DPYD: variants seen among roughly 807,000 people sequenced by gnomAD.
The protein encoded by DPYD is dihydropyrimidine dehydrogenase [NADP(+)].
In DPYD, 109 loss-of-function variants were observed where a neutral mutation model predicts 116.2. The ratio of observed to expected loss-of-function variants is 0.94; its 90% CI spans 0.80 to 1.10. The LOEUF is 1.10. Ranked by LOEUF, DPYD falls within the 50% of genes least tolerant of loss-of-function variation. The pLI is 0.00. For synonymous variants in DPYD, 440 were observed against 432.0 expected (o/e 1.02, Z -0.23); for missense variants, 1,302 against 1,254.5 (o/e 1.04, Z -0.57).
chr1:97,104,963 C>T (rs1029922465), intron 20 of DPYD, among the ~76,000 whole-genome samples: 1 of 151,948 alleles, frequency 6.6e-6, no homozygotes, highest in Non-Finnish European at 1.5e-5. Flanking sequence ...GTGCTGGGGC[C>T]CAGGCCACAA....
At chr1:97,554,160 G>A (rs186550312) in intron 11 of DPYD, among the ~76,000 whole-genome samples, 15 of 152,164 alleles carry the variant, frequency 9.9e-5, no homozygotes, top group Admixed American at 2.6e-4. Context: ...TGCAGAAACC[G>A]TCCCTCAGGG....
At chr1:97,227,953 C>A (rs1292826860) in intron 19 of DPYD, among the ~76,000 whole-genome samples, 2 of 151,676 alleles carry the variant, frequency 1.3e-5, no homozygotes, top group Non-Finnish European at 2.9e-5. Flanking sequence ...TAGGTTTTTT[C>A]TTCAATAAAA....
At chr1:97,786,123 G>A (rs1183661444) in intron 3 of DPYD, among the ~76,000 whole-genome samples, 3 of 149,058 alleles carry the variant, frequency 2.0e-5, no homozygotes, top group Admixed American at 6.7e-5. Context: ...CCCAAAATAC[G>A]CAATTTAAGA....
chr1:97,512,092 A>G (rs1009972162), intron 13 of DPYD, among the ~76,000 whole-genome samples: 31 of 151,932 alleles, frequency 2.0e-4, no homozygotes, highest in African/African-American at 7.2e-4. Context: ...TAAACTCGAT[A>G]TGCTCTTGCC....
At chr1:97,615,092 C>A (rs1228227193) in intron 8 of DPYD, among the ~76,000 whole-genome samples, 1 of 152,092 alleles carries the variant, frequency 6.6e-6, no homozygotes, top group East Asian at 1.9e-4. Flanking sequence ...TGGAAACTTG[C>A]ATAACACTGC....
At chr1:97,874,979 A>G (rs1671836637) in intron 2 of DPYD, among the ~76,000 whole-genome samples, 1 of 151,976 alleles carries the variant, frequency 6.6e-6, no homozygotes, top group African/African-American at 2.4e-5. Flanking sequence ...CTGTGATAAA[A>G]TATGCATCAG....
chr1:97,901,346 GC>G (rs1673359951), intron 1 of DPYD, among the ~76,000 whole-genome samples: 1 of 151,954 alleles, frequency 6.6e-6, no homozygotes, highest in East Asian at 1.9e-4. Flanking sequence ...TTGCGCTGGT[GC>G]AGCTACAGAA....
chr1:97,618,487 T>G (rs956740518), intron 8 of DPYD, among the ~76,000 whole-genome samples: 1 of 151,880 alleles, frequency 6.6e-6, no homozygotes, highest in African/African-American at 2.4e-5. Context: ...GCAAGTCTCC[T>G]GCCTCAGCCT....
chr1:97,288,005 T>C (rs1470588983), intron 18 of DPYD, among the ~76,000 whole-genome samples: 1 of 148,390 alleles, frequency 6.7e-6, no homozygotes, highest in South Asian at 2.2e-4. Context: ...ACCAAGCAAA[T>C]GGAAAACAAA....
intron 18 of DPYD, among the ~76,000 whole-genome samples, chr1:97,281,466 G>A (rs1027335424): frequency 1.3e-5 from 2 of 151,856 alleles, no homozygotes; most frequent in African/African-American, 4.8e-5. Flanking sequence ...GATAACAGAT[G>A]AGATCAGCCC....
intron 14 of DPYD, among the ~76,000 whole-genome samples, chr1:97,396,657 T>C (rs746104882): frequency 3.9e-5 from 6 of 152,064 alleles, no homozygotes; most frequent in Admixed American, 6.6e-5. Context: ...CCCTTTATAA[T>C]CTGGCTCCAA....
intron 3 of DPYD, among the ~76,000 whole-genome samples, chr1:97,767,023 T>C (rs1224275400): frequency 6.6e-6 from 1 of 152,150 alleles, no homozygotes; most frequent in African/African-American, 2.4e-5. Context: ...TTAAGAAACA[T>C]TTCCTATTCT....
chr1:97,088,635 C>A (rs1649688106), intron 21 of DPYD, among the ~76,000 whole-genome samples: 2 of 152,040 alleles, frequency 1.3e-5, no homozygotes, highest in African/African-American at 2.4e-5. Context: ...CCATACTCCA[C>A]CCTGAGGTTT....
At chr1:97,612,517 G>A (rs1414300961) in intron 8 of DPYD, among the ~76,000 whole-genome samples, 1 of 151,974 alleles carries the variant, frequency 6.6e-6, no homozygotes, top group Non-Finnish European at 1.5e-5. Context: ...AATAGCTTAA[G>A]TGTTTGCCAT....
intron 8 of DPYD, among the ~76,000 whole-genome samples, chr1:97,612,761 T>C (rs1457831376): frequency 2.0e-5 from 3 of 152,014 alleles, no homozygotes; most frequent in South Asian, 2.1e-4. Context: ...AATTATACCA[T>C]AGCAGTTGGG....
rs75699648 is a variant in DPYD, at chr1:97,850,856, C to A, written c.151-22660G>T. 1.4e-4 allele frequency among the ~76,000 whole-genome samples: 22 copies of A among 152,094 alleles called. No homozygotes were observed. The East Asian group carries it at 4.1e-3, about 28-fold the overall frequency. ...GTTCTATAAATGATATATTAAAAAT[C>A]AAATCAATGGTGATTTTTAAAACAC... On this transcript the variant is annotated intron_variant, in intron 2 of 22. Coordinates refer to ENST00000370192, the MANE Select transcript of DPYD (RefSeq NM_000110.4).
intron 20 of DPYD, among the ~76,000 whole-genome samples, chr1:97,182,334 T>G (rs776291162): frequency 3.3e-5 from 5 of 152,172 alleles, no homozygotes; most frequent in Admixed American, 1.3e-4. Flanking sequence ...AGATTAAGTC[T>G]TCATAACATT....
At chr1:97,807,111 T>C (rs1007564333) in intron 3 of DPYD, among the ~76,000 whole-genome samples, 1 of 152,066 alleles carries the variant, frequency 6.6e-6, no homozygotes, top group East Asian at 1.9e-4. Flanking sequence ...TGAATAAAAC[T>C]GCAGTAAACA....
rs1661468781 is a variant in DPYD at position 97,699,403 on chromosome 1, C to A, written c.628G>T (p.Gly210Trp). ...ISCASFLARL[G>W]YSDITIFEKQ... Reference sequence around the variant, plus strand: ...TCAAATATAGTGATGTCAGAGTACCCCAATCGAGCCAAAAAGGAAGCACAA... The same window carrying A: ...TCAAATATAGTGATGTCAGAGTACCACAATCGAGCCAAAAAGGAAGCACAA... The change falls in exon 6 of 23, where the codon GGG becomes TGG. Residue 210 changes from glycine (G) to tryptophan (W), a missense_variant. Coordinates refer to ENST00000370192, the MANE Select transcript of DPYD (RefSeq NM_000110.4). The A allele has an allele frequency of 2.5e-6, 4 of 1,613,592 alleles. No individual in the cohort carries two copies. The highest frequency in any genetic ancestry group is 1.7e-5 in the Admixed American group (1 of 59,952).
Sources: gnomAD v4.1 joint callset for allele counts (sites outside exome capture counted in the v4.1 genomes callset) on GRCh38, gnomAD v4.1.1 for gene constraint, MANE v1.5 for transcripts, NCBI Gene and HGNC (gene_info 2026-07-23, HGNC 2026-07-21) for gene names.